Variants in MAGI2 observed in about 807,000 individuals in gnomAD.
MAGI2 encodes membrane associated guanylate kinase, WW and PDZ domain containing 2.
Under a neutral mutation model 133.3 loss-of-function variants are expected in MAGI2, and 35 were observed. The observed-to-expected ratio is 0.26, with a 90% CI of 0.20 to 0.35. The LOEUF is 0.35. Among genes scored for constraint, MAGI2 ranks in the 10% least tolerant of loss-of-function variants. The probability of loss-of-function intolerance (pLI) is 1.00; values close to 1 mark genes in which losing one functional copy is unlikely to be tolerated. For missense variants in MAGI2, 1,636 were observed against 1,863.4 expected (o/e 0.88, Z 2.25); for synonymous variants, 729 against 710.6 (o/e 1.03, Z -0.41).
At chr7:78,458,786 C>G (rs146341371) in intron 6 of MAGI2, among the ~76,000 whole-genome samples, 5 of 152,098 alleles carry the variant, frequency 3.3e-5, no homozygotes, top group Non-Finnish European at 5.9e-5. Context: ...AGGCGCCCAC[C>G]ACCACGCCTG....
chr7:79,090,622 C>T (rs1169024676), intron 1 of MAGI2, among the ~76,000 whole-genome samples: 1 of 152,082 alleles, frequency 6.6e-6, no homozygotes, highest in African/African-American at 2.4e-5. Context: ...TACACGCAAC[C>T]TAAATTTAAA....
intron 2 of MAGI2, among the ~76,000 whole-genome samples, chr7:78,948,330 A>C (rs1801600655): frequency 6.6e-6 from 1 of 152,058 alleles, no homozygotes; most frequent in South Asian, 2.1e-4. Flanking sequence ...CAAAGAAAAC[A>C]AACACAATTG....
At chr7:78,044,925 T>G (rs1811264394) in intron 21 of MAGI2, among the ~76,000 whole-genome samples, 1 of 152,170 alleles carries the variant, frequency 6.6e-6, no homozygotes, top group African/African-American at 2.4e-5. Flanking sequence ...TCCCAGCACT[T>G]TGGAAGGCCA....
chr7:78,466,481 CTAATT>C (rs1249543160), intron 6 of MAGI2, among the ~76,000 whole-genome samples: 3 of 152,128 alleles, frequency 2.0e-5, no homozygotes, highest in Non-Finnish European at 1.5e-5. Context: ...TTGCATGCGC[CTAATT>C]TAAGTGTGTT....
intron 2 of MAGI2, among the ~76,000 whole-genome samples, chr7:78,811,726 G>A (rs1247144400): frequency 6.6e-6 from 1 of 152,152 alleles, no homozygotes; most frequent in African/African-American, 2.4e-5. Context: ...TTGGCCCATG[G>A]CCTGTGTTTG....
intron 1 of MAGI2, among the ~76,000 whole-genome samples, chr7:79,281,994 T>C (rs1467954720): frequency 6.6e-6 from 1 of 152,170 alleles, no homozygotes; most frequent in Non-Finnish European, 1.5e-5. Context: ...ATAAATCTTT[T>C]CATGGATGAA....
chr7:78,530,632 C>G (rs1203468484), intron 3 of MAGI2, among the ~76,000 whole-genome samples: 1 of 152,112 alleles, frequency 6.6e-6, no homozygotes, highest in Non-Finnish European at 1.5e-5. Flanking sequence ...CTCTATAACT[C>G]CCTCTCACTT....
intron 10 of MAGI2, among the ~76,000 whole-genome samples, chr7:78,208,402 T>C (rs13311522): frequency 0.35 from 53,294 of 151,886 alleles, 9,505 homozygotes; most frequent in Admixed American, 0.38. Flanking sequence ...TTCAAAATAA[T>C]GCAGGCAAGG....
chr7:79,414,834 G>A (rs985584917), intron 1 of MAGI2: 8 of 152,050 alleles, frequency 5.3e-5, no homozygotes, highest in Non-Finnish European at 7.4e-5. Flanking sequence ...CTTTCCATGA[G>A]ATAGCCCATC....
intron 9 of MAGI2, among the ~76,000 whole-genome samples, chr7:78,292,636 A>T (rs1195516334): frequency 6.6e-6 from 1 of 152,238 alleles, no homozygotes; most frequent in Non-Finnish European, 1.5e-5. Flanking sequence ...GACAATCCTA[A>T]GTCAAAAGAA....
chr7:78,889,560 T>C (rs1405238202), intron 2 of MAGI2, among the ~76,000 whole-genome samples: 5 of 152,182 alleles, frequency 3.3e-5, no homozygotes, highest in African/African-American at 1.2e-4. Context: ...CAGAAGACAG[T>C]GGGGACCAAT....
chr7:78,201,909 T>A (rs1829291116), intron 10 of MAGI2, among the ~76,000 whole-genome samples: 1 of 152,142 alleles, frequency 6.6e-6, no homozygotes, highest in African/African-American at 2.4e-5. Context: ...ATCCAAATGA[T>A]TAAGATAATT....
At chr7:79,031,433 A>G (rs1158761513) in intron 1 of MAGI2, among the ~76,000 whole-genome samples, 1 of 152,226 alleles carries the variant, frequency 6.6e-6, no homozygotes, top group Non-Finnish European at 1.5e-5. Flanking sequence ...TAAACCTCTC[A>G]TATACAGACC....
At chr7:79,285,964 TGAGTAGGACA>T (rs1279263281) in intron 1 of MAGI2, among the ~76,000 whole-genome samples, 1 of 152,104 alleles carries the variant, frequency 6.6e-6, no homozygotes, top group African/African-American at 2.4e-5. Context: ...CAGTTAAAAA[TGAGTAGGACA>T]GTAAATCTTC....
intron 1 of MAGI2, among the ~76,000 whole-genome samples, chr7:79,396,202 G>T (rs1163011522): frequency 6.6e-6 from 1 of 152,078 alleles, no homozygotes; most frequent in African/African-American, 2.4e-5. Context: ...TCCAGCCATA[G>T]GACTTGTTCT....
chr7:78,656,791 A>G (rs1031481231), intron 2 of MAGI2, among the ~76,000 whole-genome samples: 5 of 152,160 alleles, frequency 3.3e-5, no homozygotes, highest in African/African-American at 7.2e-5. Flanking sequence ...ATATAATTTT[A>G]TTTGCCAATT....
intron 2 of MAGI2, among the ~76,000 whole-genome samples, chr7:78,724,723 T>C (rs1820599057): frequency 6.6e-6 from 1 of 152,188 alleles, no homozygotes; most frequent in African/African-American, 2.4e-5. Context: ...ATTCCAGCAC[T>C]GAGACATGTA....
intron 6 of MAGI2, among the ~76,000 whole-genome samples, chr7:78,445,911 G>A (rs182159874): frequency 1.9e-4 from 29 of 150,738 alleles, no homozygotes; most frequent in African/African-American, 6.1e-4. Context: ...GTTTCCTTAA[G>A]CCTATATTGT....
chr7:78,962,900 GA>G (rs553972702), intron 2 of MAGI2, among the ~76,000 whole-genome samples: 142 of 151,848 alleles, frequency 9.4e-4, no homozygotes, highest in African/African-American at 3.3e-3. Context: ...TAACTGGAAA[GA>G]AAAAAAATTA....
Sources: allele counts gnomAD v4.1 joint callset (sites outside exome capture counted in the v4.1 genomes callset), GRCh38; gene constraint gnomAD v4.1.1; transcripts MANE v1.5; gene names NCBI Gene and HGNC (gene_info 2026-07-23, HGNC 2026-07-21).